The following TG variants were observed in gnomAD, a reference collection of about 807,000 sequenced individuals.
The protein encoded by TG is thyroid hormones.
A neutral mutation model predicts 324.7 loss-of-function variants in TG; 270 were observed. The observed-to-expected ratio is 0.83, with a 90% CI of 0.75 to 0.92. The LOEUF is 0.92. Among genes scored for constraint, TG ranks in the 40% least tolerant of loss-of-function variants. The probability of loss-of-function intolerance (pLI) is 0.00; values close to 1 mark genes in which losing one functional copy is unlikely to be tolerated. For missense variants in TG, 3,591 were observed against 3,456.4 expected (o/e 1.04, Z -0.98); for synonymous variants, 1,401 against 1,327.0 (o/e 1.06, Z -1.21).
At chr8:133,049,165 A>G (rs560146318) in intron 41 of TG, 12 of 456,466 alleles carry the variant, frequency 2.6e-5, no homozygotes, top group Non-Finnish European at 4.8e-5. Flanking sequence ...AGGAGGCTGC[A>G]GAGGCCTCAC....
At position 132,923,492 on chromosome 8, in the gene TG, G is replaced by A. The variant is rs371358744; in HGVS notation, c.4683G>A (p.Glu1561=). The change falls in exon 22 of 48, where the codon GAG becomes GAA. Residue 1561 remains glutamate (E), a synonymous_variant. Transcript: ENST00000220616. ...LPWWETEAPL[E]DSQCLMMQKF... is the part of the protein sequence containing the mutation. ...GGTGGGAAACAGAGGCCCCTCTTGA[G>A]GACTCACAGTGTTTGAGTAGGTGCT... 2.1e-4 allele frequency: 345 copies of A among 1,613,922 alleles called. No individual in the cohort carries two copies. The highest frequency in any genetic ancestry group is 2.7e-4 in the Non-Finnish European group (314 of 1,179,976).
intron 35 of TG, among the ~76,000 whole-genome samples, chr8:133,010,142 G>A (rs370267698): frequency 2.6e-5 from 4 of 152,208 alleles, no homozygotes; most frequent in East Asian, 3.8e-4. Context: ...GATAGAAGGA[G>A]CATTGACTTA....
intron 43 of TG, among the ~76,000 whole-genome samples, chr8:133,107,361 G>T (rs1849889127): frequency 6.6e-6 from 1 of 152,164 alleles, no homozygotes; most frequent in Non-Finnish European, 1.5e-5. Context: ...ATGTGTTAAT[G>T]GCAGTCCTTT....
At chr8:133,126,924 G>A (rs1851567941) in intron 45 of TG, among the ~76,000 whole-genome samples, 1 of 152,156 alleles carries the variant, frequency 6.6e-6, no homozygotes, top group Non-Finnish European at 1.5e-5. Context: ...AAAAAAGGGA[G>A]TATATTTTAT....
intron 43 of TG, among the ~76,000 whole-genome samples, chr8:133,102,069 G>A (rs1428604901): frequency 1.3e-5 from 2 of 152,188 alleles, no homozygotes; most frequent in Non-Finnish European, 2.9e-5. Flanking sequence ...CTGGAAAATA[G>A]TTTGGCTTCA....
At chr8:133,100,710 A>G (rs985978264) in intron 43 of TG, among the ~76,000 whole-genome samples, 4 of 152,206 alleles carry the variant, frequency 2.6e-5, no homozygotes, top group East Asian at 1.9e-4. Flanking sequence ...AGAGCCTTCC[A>G]TCTACCATCA....
Position 132,875,279 on chromosome 8 carries a change from T to C in TG, c.638+2058T>C, listed in dbSNP as rs117317216. Among the ~76,000 whole-genome samples, 1,364 of 152,306 alleles carry C rather than the reference T, an allele frequency of 9.0e-3. 34 individuals are homozygous for C. Among genetic ancestry groups the C allele is most frequent in the East Asian group, 0.086 (448 of 5,184 alleles). On this transcript the variant is annotated intron_variant, in intron 5 of 47. Coordinates refer to ENST00000220616, the MANE Select transcript of TG (RefSeq NM_003235.5). The stretch of plus-strand genomic sequence containing the variant: ...GCAAGTATAAATCTCAAACAGCCAG[T>C]TTTATTGAGTACTTATTGCTGCAAA...
chr8:133,022,193 AAGG>A (rs767443273), intron 40 of TG, 43 bp downstream of exon 40: 40 of 1,612,468 alleles, frequency 2.5e-5, no homozygotes, highest in Non-Finnish European at 3.3e-5. Flanking sequence ...CCCCTGAGCC[AAGG>A]CTCAGCCCCT....
At chr8:132,963,978 C>T (rs977682783) in intron 29 of TG, among the ~76,000 whole-genome samples, 2 of 151,992 alleles carry the variant, frequency 1.3e-5, no homozygotes, top group African/African-American at 4.8e-5. Context: ...CCTCTTATCC[C>T]GTTAGATAGC....
At chr8:132,907,149 T>C (rs894538007) in intron 17 of TG, among the ~76,000 whole-genome samples, 1 of 152,172 alleles carries the variant, frequency 6.6e-6, no homozygotes, top group Non-Finnish European at 1.5e-5. Context: ...CTTGAGAGAA[T>C]TGCCATTCTT....
chr8:132,938,275 G>A (rs1001924216), intron 25 of TG, among the ~76,000 whole-genome samples: 1 of 152,166 alleles, frequency 6.6e-6, no homozygotes, highest in African/African-American at 2.4e-5. Context: ...CCCAGAGCTT[G>A]ATCTGTCACC....
chr8:133,082,223 T>G (rs1845857238), intron 41 of TG, among the ~76,000 whole-genome samples: 2 of 152,206 alleles, frequency 1.3e-5, no homozygotes, highest in Admixed American at 6.5e-5. Context: ...TTATCTTTTC[T>G]ATTGGTCTGA....
At chr8:133,132,472 C>T (rs972273404) in intron 46 of TG, among the ~76,000 whole-genome samples, 1 of 152,228 alleles carries the variant, frequency 6.6e-6, no homozygotes, top group Non-Finnish European at 1.5e-5. Context: ...CCTTGAGGCT[C>T]TTCCTCTCCT....
At position 132,941,439 on chromosome 8, in the gene TG, C is replaced by T. The variant is rs749713213; in HGVS notation, c.5130C>T (p.Phe1710=). Residue 1710 remains phenylalanine, a synonymous_variant, in exon 26 of 48, where the codon TTC becomes TTT. Coordinates refer to ENST00000220616, the MANE Select transcript of TG (RefSeq NM_003235.5). ...CTGGATTGTACAACCCCATTGTGTT[C>T]TCAGCCTCAGGAGCCAATCTAACCG... is the stretch of plus-strand genomic sequence containing the variant. ...MLSGLYNPIV[F]SASGANLTDA... is the part of the protein sequence containing the mutation. 6.2e-7 allele frequency: 1 copy of T among 1,614,240 alleles called. No homozygotes were observed. Among genetic ancestry groups the T allele is most frequent in the Non-Finnish European group, 8.5e-7 (1 of 1,180,036 alleles).
intron 41 of TG, among the ~76,000 whole-genome samples, chr8:133,088,256 G>GCTCCTCCTCCTCCTC (rs5895174): frequency 6.6e-6 from 1 of 151,358 alleles, no homozygotes; most frequent in African/African-American, 2.4e-5. Context: ...CTCCCCTCCT[G>GCTCCTCCTCCTCCTC]CTCCTCCTCC....
Position 133,048,164 on chromosome 8 carries a change from T to C in TG, c.7239+18141T>C, listed in dbSNP as rs560693879. ...GATAGAGTTAAAATTAGAATGCATT[T>C]TTCTGGGACATCCAATTCCATAACC... On this transcript the variant is annotated intron_variant, in intron 41 of 47. Transcript: ENST00000220616. 7.8e-4 allele frequency among the ~76,000 whole-genome samples: 119 copies of C among 152,286 alleles called. 1 individual carries two copies. The highest frequency in any genetic ancestry group is 2.7e-3 in the African/African-American group (112 of 41,560).
At chr8:132,992,777 A>G (rs1443713786) in intron 35 of TG, among the ~76,000 whole-genome samples, 1 of 152,144 alleles carries the variant, frequency 6.6e-6, no homozygotes, top group Non-Finnish European at 1.5e-5. Flanking sequence ...CACTTCCTCC[A>G]AGGGATGGCT....
chr8:132,983,849 C>T, intron 35 of TG: 1 of 281,178 alleles, frequency 3.6e-6, no homozygotes, highest in South Asian at 3.6e-5. Context: ...CTGGGCAGCA[C>T]TGTGACATCT....
intron 13 of TG, 98 bp downstream of exon 13, chr8:132,898,344 C>A: frequency 1.7e-6 from 2 of 1,177,978 alleles, no homozygotes; most frequent in Non-Finnish European, 2.5e-6. Flanking sequence ...CTCCATGGCC[C>A]AGCCCTTCAG....
Sources: gnomAD v4.1 joint callset for allele counts (sites outside exome capture counted in the v4.1 genomes callset) on GRCh38, gnomAD v4.1.1 for gene constraint, MANE v1.5 for transcripts, NCBI Gene and HGNC (gene_info 2026-07-23, HGNC 2026-07-21) for gene names.